Variants in TOX2 observed in about 807,000 individuals in gnomAD.
TOX2 encodes TOX high mobility group box family member 2, also known as granulosa cell HMG box 1.
TOX2 carries 15 observed loss-of-function variants against 47.4 expected under a neutral mutation model. The ratio of observed to expected loss-of-function variants is 0.32; its 90% CI spans 0.21 to 0.49. The LOEUF is 0.49. Among genes scored for constraint, TOX2 ranks in the 20% least tolerant of loss-of-function variants. The pLI is 0.99. For synonymous variants in TOX2, 290 were observed against 296.6 expected, an observed-to-expected ratio of 0.98 and a Z score of 0.23; for missense variants, 622 against 673.1, an observed-to-expected ratio of 0.92 and a Z score of 0.84.
chr20:44,031,357 G>A (rs902540528), intron 3 of TOX2, among the ~76,000 whole-genome samples: 1 of 152,220 alleles, frequency 6.6e-6, no homozygotes, highest in African/African-American at 2.4e-5. Context: ...TTCACTGGAA[G>A]GGGTGAGATA....
rs778186270 is a variant in TOX2, at chr20:44,051,532, A to C, written c.638A>C (p.Glu213Ala). 2 of 1,597,252 alleles carry C rather than the reference A, an allele frequency of 1.3e-6. No individual in the cohort carries two copies. The highest frequency in any genetic ancestry group is 2.2e-5 in the South Asian group (2 of 89,274). The change falls in exon 4 of 9, where the codon GAA (glutamate) becomes GCA (alanine). Residue 213 changes from glutamate (E) to alanine (A), a missense_variant. This residue lies in a region of TOX2 where 307 missense variants were observed against 327.3 expected (regional missense o/e 0.94). Coordinates refer to ENST00000341197, the MANE Select transcript of TOX2 (RefSeq NM_001098797.2). Reference protein sequence around the residue: ...PSSSTQEEESEVHFKISGEKR... With the variant: ...PSSSTQEEESAVHFKISGEKR... ...AGCTCCACTCAGGAAGAGGAGTCGG[A>C]AGTGCATTTCAAGGTATGTGCGGTG...
chr20:43,922,513 T>G (rs2069122702), intron 1 of TOX2, among the ~76,000 whole-genome samples: 1 of 152,228 alleles, frequency 6.6e-6, no homozygotes, highest in Non-Finnish European at 1.5e-5. Context: ...AGTAATCCTG[T>G]ATCCACAGGG....
intron 5 of TOX2, among the ~76,000 whole-genome samples, chr20:44,061,018 AAAG>A (rs1569148040): frequency 1.3e-5 from 2 of 152,298 alleles, no homozygotes; most frequent in Admixed American, 6.5e-5. Context: ...TTAACCAAGA[AAAG>A]AAGAGAGAAG....
chr20:43,934,164 A>AGAGAGAGT (rs2069293707), intron 1 of TOX2, among the ~76,000 whole-genome samples: 1 of 150,654 alleles, frequency 6.6e-6, no homozygotes, highest in East Asian at 2.0e-4. Flanking sequence ...AGAGAGAGAG[A>AGAGAGAGT]GAGACCTGCC....
chr20:44,019,101 T>C (rs182768174), intron 3 of TOX2, among the ~76,000 whole-genome samples: 2 of 149,354 alleles, frequency 1.3e-5, no homozygotes, highest in African/African-American at 5.2e-5. Context: ...ACTGACTGAC[T>C]GACTGACTGA....
At chr20:43,967,128 C>G (rs1211913486) in intron 1 of TOX2, among the ~76,000 whole-genome samples, 1 of 152,116 alleles carries the variant, frequency 6.6e-6, no homozygotes, top group African/African-American at 2.4e-5. Context: ...AGACCAGAGT[C>G]ACCCCAGGGG....
chr20:44,065,875 G>A lies in TOX2; in HGVS notation c.1124G>A (p.Arg375Gln), dbSNP rs773686339. The change falls in exon 7 of 9, where the codon CGG becomes CAG. Residue 375 changes from arginine (R) to glutamine (Q), a missense_variant. Arg to Gln is a conservative substitution (Grantham distance 43). Coordinates refer to ENST00000341197, the MANE Select transcript of TOX2 (RefSeq NM_001098797.2). ...RSGASPASLARTLGSKSLLPG... is the reference protein window; with the variant it reads ...RSGASPASLAQTLGSKSLLPG... ...GGGGCCTCCCCTGCCAGCCTCGCCCGGACGCTGGGCTCCAAGTCTCTGCTG... is the reference window on the plus strand; with the variant it reads ...GGGGCCTCCCCTGCCAGCCTCGCCCAGACGCTGGGCTCCAAGTCTCTGCTG... 2.7e-5 allele frequency: 43 copies of A among 1,612,966 alleles called. No individual in the cohort carries two copies. The highest frequency in any genetic ancestry group is 4.5e-5 in the East Asian group (2 of 44,856).
At chr20:44,048,388 T>TTATATATATA (rs11472862) in intron 3 of TOX2, among the ~76,000 whole-genome samples, 2,243 of 86,672 alleles carry the variant, frequency 0.026, 170 homozygotes, top group East Asian at 0.049. Context: ...TAAAATGAAT[T>TTATATATATA]TATATATATA....
chr20:44,064,927 G>A (rs2071785065), intron 6 of TOX2, 70 bp downstream of exon 6: 1 of 1,486,870 alleles, frequency 6.7e-7, no homozygotes, highest in African/African-American at 1.4e-5. Flanking sequence ...GCAAGAACTG[G>A]GGCCCGTGGG....
chr20:44,034,780 G>A (rs2145699363), intron 3 of TOX2, among the ~76,000 whole-genome samples: 1 of 152,286 alleles, frequency 6.6e-6, no homozygotes, highest in South Asian at 2.1e-4. Context: ...TCCAAGTGTG[G>A]TGGGCTGGAA....
At chr20:44,051,114 C>T (rs759086041) in intron 3 of TOX2, among the ~76,000 whole-genome samples, 192 bp from the exon 4 acceptor site, 2 of 152,204 alleles carry the variant, frequency 1.3e-5, no homozygotes, top group South Asian at 2.1e-4. Flanking sequence ...CGGTTTCCCA[C>T]GAGTGCACTT....
At chr20:43,998,016 T>C (rs903170884) in intron 2 of TOX2, among the ~76,000 whole-genome samples, 21 of 152,194 alleles carry the variant, frequency 1.4e-4, no homozygotes, top group African/African-American at 5.1e-4. Flanking sequence ...AGAGGTTTAA[T>C]TGATTCACAG....
intron 4 of TOX2, among the ~76,000 whole-genome samples, 176 bp downstream of exon 4, chr20:44,051,721 G>C (rs1001879781): frequency 6.6e-6 from 1 of 152,208 alleles, no homozygotes; most frequent in African/African-American, 2.4e-5. Context: ...TGGGATGTCC[G>C]CCACAGAGCT....
chr20:43,994,206 T>C (rs976356512), intron 2 of TOX2, among the ~76,000 whole-genome samples: 3 of 151,774 alleles, frequency 2.0e-5, no homozygotes, highest in Non-Finnish European at 2.9e-5. Flanking sequence ...GGCTCATGCC[T>C]ATACTCCCAG....
At chr20:43,921,992 G>T (rs1197266176) in intron 1 of TOX2, among the ~76,000 whole-genome samples, 1 of 152,172 alleles carries the variant, frequency 6.6e-6, no homozygotes, top group African/African-American at 2.4e-5. Context: ...AATCTGTGCA[G>T]CAGAGAAAGT....
Position 44,038,756 on chromosome 20 carries a change from G to A in TOX2, c.412-12550G>A, listed in dbSNP as rs73275282. On this transcript the variant is annotated intron_variant, in intron 3 of 8. Transcript: ENST00000341197. ...CCAGCTCTGTGAATCGGCAGAAGGCGGGAAGGAGGAAGGTGTGATTTTTCT... is the reference window on the plus strand; with the variant it reads ...CCAGCTCTGTGAATCGGCAGAAGGCAGGAAGGAGGAAGGTGTGATTTTTCT... Among the ~76,000 whole-genome samples the A allele has an allele frequency of 3.5e-3, 527 of 152,266 alleles. 3 individuals are homozygous for A. Among genetic ancestry groups the A allele is most frequent in the African/African-American group, 0.012 (488 of 41,558 alleles).
At chr20:44,024,210 C>T (rs559072862) in intron 3 of TOX2, among the ~76,000 whole-genome samples, 111 of 152,226 alleles carry the variant, frequency 7.3e-4, no homozygotes, top group Non-Finnish European at 1.1e-3. Context: ...TTATGGTCTT[C>T]GTATCTATAA....
chr20:44,039,172 G>T, intron 3 of TOX2: 1 of 1,270,260 alleles, frequency 7.9e-7, no homozygotes. Context: ...TGGAAAGAGG[G>T]TGAGGCCAGA....
intron 2 of TOX2, among the ~76,000 whole-genome samples, chr20:43,992,312 AC>A (rs2070382578): frequency 6.6e-6 from 1 of 152,120 alleles, no homozygotes; most frequent in South Asian, 2.1e-4. Context: ...GAGGTAAGTG[AC>A]CCAGGACAGC....
Sources: allele counts gnomAD v4.1 joint callset (sites outside exome capture counted in the v4.1 genomes callset), GRCh38; gene constraint gnomAD v4.1.1; regional missense constraint gnomAD v4.1.1; transcripts MANE v1.5; gene names NCBI Gene and HGNC (gene_info 2026-07-23, HGNC 2026-07-21).